The following TSPAN10 variants were observed in gnomAD, a reference collection of about 807,000 sequenced individuals.
TSPAN10 encodes the protein tetraspanin-10.
A neutral mutation model predicts 15.0 loss-of-function variants in TSPAN10; 11 were observed. The ratio of observed to expected loss-of-function variants is 0.73; its 90% CI spans 0.46 to 1.21. TSPAN10 has a LOEUF of 1.21. Among genes scored for constraint, TSPAN10 ranks in the 50% most tolerant of loss-of-function variants. TSPAN10 has a pLI of 0.00. For missense variants in TSPAN10, 486 were observed against 470.6 expected (o/e 1.03, Z -0.30); for synonymous variants, 241 against 226.2 (o/e 1.07, Z -0.59).
At position 81,646,346 on chromosome 17, in the gene TSPAN10, C is replaced by T. The variant is rs1293132532; in HGVS notation, c.674+717C>T. ...GGTGGAGGTTGCAGCCAAAACAGCA[C>T]CACTGCATTCCAGCATGGGCAACAG... is the stretch of plus-strand genomic sequence containing the variant. On this transcript the variant is annotated intron_variant, in intron 2 of 2. Coordinates refer to ENST00000611590, the Ensembl canonical transcript of TSPAN10. 2.3e-4 allele frequency: 35 copies of T among 152,440 alleles called. No individual in the cohort carries two copies. The Admixed American group carries it at 2.3e-3, about 10-fold the overall frequency. The allele number at this position is 152,440 out of a possible 1,614,324, so 9.4% of individuals were successfully genotyped here. A position where few individuals can be genotyped will look rare whatever the true frequency, so the allele number is the denominator to read the frequency against.
chr17:81,645,355 GTGAGC>G lies in TSPAN10; in HGVS notation c.401_405del (p.Val134AlafsTer10). On this transcript the variant is annotated frameshift_variant, in exon 2 of 3. Coordinates refer to ENST00000611590, the Ensembl canonical transcript of TSPAN10. LOFTEE classifies it high-confidence loss of function. ...ACTGGGAGGGCTGGTGGTCAGCGCA[GTGAGC>G]CTGGCTGGCTACCTGGGCGCCCTCT... 1 of 1,590,208 alleles carries G rather than the reference GTGAGC, an allele frequency of 6.3e-7. No homozygotes were observed. Among genetic ancestry groups the G allele is most frequent in the Admixed American group, 1.8e-5 (1 of 57,018 alleles).
intron 2 of TSPAN10, 53 bp from the exon 4 acceptor site, chr17:81,647,848 C>A: frequency 6.4e-7 from 1 of 1,557,790 alleles, no homozygotes; most frequent in Admixed American, 1.9e-5. Context: ...TGTGCCTGGT[C>A]CCAGAAGAGC....
chr17:81,644,566 GAT>G (rs1360891956), intron 1 of TSPAN10, among the ~76,000 whole-genome samples: 7 of 152,336 alleles, frequency 4.6e-5, no homozygotes, highest in South Asian at 2.1e-4. Flanking sequence ...GATCCACGCA[GAT>G]GCTGTTTCAA....
chr17:81,642,593 T>C, intron 1 of TSPAN10, 145 bp downstream of exon 2: 1 of 815,486 alleles, frequency 1.2e-6, no homozygotes, highest in Non-Finnish European at 1.9e-6. Flanking sequence ...TTGAGGGGGG[T>C]GGTTCTAGGC....
At position 81,645,664 on chromosome 17, in the gene TSPAN10, A is replaced by G; in HGVS notation, c.674+35A>G. 1.9e-6 allele frequency: 3 copies of G among 1,606,956 alleles called. No individual in the cohort carries two copies. The East Asian group carries it at 6.7e-5, about 36-fold the overall frequency. Reference sequence around the variant, plus strand: ...GGAGTGGGCGAGGGACAGGGCCACCACAGGGTCGCAGAGGCCACACACCCT... The same window carrying G: ...GGAGTGGGCGAGGGACAGGGCCACCGCAGGGTCGCAGAGGCCACACACCCT... On this transcript the variant is annotated intron_variant, in intron 2 of 2. Transcript: ENST00000611590.
chr17:81,639,662 CGCCTGTCATCCCAGCACGGTGGCTCAT>C (rs1383401150), upstream of TSPAN10, among the ~76,000 whole-genome samples: 11 of 150,302 alleles, frequency 7.3e-5, no homozygotes, highest in East Asian at 4.0e-4. Flanking sequence ...CGGTGGCTCA[CGCCTGTCATCCCAGCACGGTGGCTCAT>C]GCCTGTCATC....
At chr17:81,637,416 GAAAC>G, upstream of TSPAN10, 1 of 698,762 alleles carries the variant, frequency 1.4e-6, no homozygotes, top group Non-Finnish European at 2.6e-6. Flanking sequence ...GGTAAGTAGA[GAAAC>G]AATTTCAGGA....
chr17:81,647,721 C>T (rs2144387193), intron 2 of TSPAN10, 180 bp from the exon 4 acceptor site: 1 of 673,830 alleles, frequency 1.5e-6, no homozygotes, highest in Non-Finnish European at 2.6e-6. Context: ...TTATAGAGAG[C>T]CAGGTGCTGT....
At chr17:81,644,184 T>G (rs1444212625) in intron 1 of TSPAN10, among the ~76,000 whole-genome samples, 1 of 152,020 alleles carries the variant, frequency 6.6e-6, no homozygotes, top group Non-Finnish European at 1.5e-5. Context: ...TTAAAAAAAC[T>G]CTTCCCGGCA....
At chr17:81,637,746 C>T (rs551374961), upstream of TSPAN10, 3 of 180,310 alleles carry the variant, frequency 1.7e-5, no homozygotes, top group African/African-American at 7.1e-5. Flanking sequence ...CCAGCCTGAC[C>T]AACGTGGTGA....
In TSPAN10 at chr17:81,645,805, G is replaced by A. The variant is rs1410723886; in HGVS notation, c.674+176G>A. The stretch of plus-strand genomic sequence containing the variant: ...CACACTGGCACGTCTCGTGCTCACA[G>A]GTTTCACGTGTGTGGACACACACCT... On this transcript the variant is annotated intron_variant, in intron 2 of 2. Transcript: ENST00000611590. 6 of 830,764 alleles carry A rather than the reference G, an allele frequency of 7.2e-6. No individual in the cohort carries two copies. The African/African-American group carries it at 1.0e-4, about 14-fold the overall frequency. The allele number at this position is 830,764 out of a possible 1,614,324, so 51.5% of individuals were successfully genotyped here. A position where few individuals can be genotyped will look rare whatever the true frequency, so the allele number is the denominator to read the frequency against.
upstream of TSPAN10, chr17:81,638,081 GATTAA>G (rs55885844): frequency 0.5 from 76,183 of 151,306 alleles, 21,038 homozygotes; most frequent in East Asian, 0.99. Flanking sequence ...TACATTAATT[GATTAA>G]ATTATGTTAG....
intron 1 of TSPAN10, among the ~76,000 whole-genome samples, chr17:81,643,403 A>G (rs1598709719): frequency 2.4e-5 from 1 of 41,190 alleles, no homozygotes; most frequent in Non-Finnish European, 3.9e-5. Flanking sequence ...CGAGGTTAGG[A>G]GATCGAGACC....
At chr17:81,644,907 G>T in intron 1 of TSPAN10, 85 bp from the exon 3 acceptor site, 2 of 1,561,398 alleles carry the variant, frequency 1.3e-6, no homozygotes, top group Non-Finnish European at 1.7e-6. Context: ...CGAAGGCTCT[G>T]CCACCATGCT....
At chr17:81,639,502 G>A (rs115344711), upstream of TSPAN10, among the ~76,000 whole-genome samples, 1,151 of 151,724 alleles carry the variant, frequency 7.6e-3, 8 homozygotes, top group African/African-American at 0.027. Context: ...CACCATGCCC[G>A]GCCTGGAATT....
At chr17:81,647,606 C>T (rs2036271920) in intron 2 of TSPAN10, 8 of 650,470 alleles carry the variant, frequency 1.2e-5, no homozygotes, top group South Asian at 1.2e-4. Context: ...CTTATCAATG[C>T]TTGTCTGTTC....
intron 2 of TSPAN10, chr17:81,647,538 C>G: frequency 1.9e-6 from 1 of 532,940 alleles, no homozygotes; most frequent in Non-Finnish European, 3.6e-6. Flanking sequence ...CATCCACCCT[C>G]CCCTGCTCCA....
chr17:81,642,312 C>T, upstream of TSPAN10: 1 of 1,423,778 alleles, frequency 7.0e-7, no homozygotes, highest in South Asian at 1.2e-5. Context: ...CACAGACTAG[C>T]CCAGGGCCGC....
At chr17:81,638,285 G>A (rs970742338), upstream of TSPAN10, 1 of 151,202 alleles carries the variant, frequency 6.6e-6, no homozygotes, top group Non-Finnish European at 1.5e-5. Flanking sequence ...TCAGGGATCA[G>A]AGTTTTTTGT....
Sources: gnomAD v4.1 joint callset for allele counts (sites outside exome capture counted in the v4.1 genomes callset) on GRCh38, gnomAD v4.1.1 for gene constraint, MANE v1.5 for transcripts, NCBI Gene and HGNC (gene_info 2026-07-23, HGNC 2026-07-21) for gene names.